The following DPH6 variants were observed in gnomAD, a reference collection of about 807,000 sequenced individuals.
The protein encoded by DPH6 is diphthamine biosynthesis 6.
Under a neutral mutation model 38.2 loss-of-function variants are expected in DPH6, and 33 were observed. The ratio of observed to expected loss-of-function variants is 0.86; its 90% CI spans 0.65 to 1.15. The LOEUF is 1.15. Ranked by LOEUF, DPH6 falls within the 50% of genes most tolerant of loss-of-function variation. The pLI is 0.00. For missense variants in DPH6, 325 were observed against 320.0 expected (o/e 1.02, Z -0.12); for synonymous variants, 108 against 103.0 (o/e 1.05, Z -0.30).
At chr15:35,164,723 T>A in the DPH6 span, among the ~76,000 whole-genome samples, 1 of 151,878 alleles carries the variant, frequency 6.6e-6, no homozygotes, top group Non-Finnish European at 1.5e-5. Flanking sequence ...TTCTATCAGT[T>A]TAACAGTGAA....
At chr15:35,275,243 C>T (rs1332596387) in intron 3 of DPH6, among the ~76,000 whole-genome samples, 1 of 152,142 alleles carries the variant, frequency 6.6e-6, no homozygotes, top group African/African-American at 2.4e-5. Context: ...TATAAAGACA[C>T]ATGCACATGT....
At chr15:35,460,417 G>A (rs941625002) in intron 3 of DPH6, among the ~76,000 whole-genome samples, 2 of 152,126 alleles carry the variant, frequency 1.3e-5, no homozygotes, top group African/African-American at 4.8e-5. Flanking sequence ...TGAGAACTTA[G>A]AGACAAAGAC....
chr15:35,314,010 T>C (rs1303953891), intron 3 of DPH6, among the ~76,000 whole-genome samples: 2 of 150,936 alleles, frequency 1.3e-5, no homozygotes, highest in African/African-American at 2.4e-5. Flanking sequence ...TGAAGAGACA[T>C]CCCACAGAAT....
intron 3 of DPH6, among the ~76,000 whole-genome samples, chr15:35,336,979 T>C (rs2052378372): frequency 6.6e-6 from 1 of 152,024 alleles, no homozygotes; most frequent in Admixed American, 6.6e-5. Context: ...TTAGGGAGGA[T>C]TCCCTCTTTT....
chr15:35,149,451 C>A, the DPH6 span, among the ~76,000 whole-genome samples: 1 of 152,124 alleles, frequency 6.6e-6, no homozygotes, highest in East Asian at 1.9e-4. Context: ...GTTGGCCAGG[C>A]TGGTCTTAAA....
intron 6 of DPH6, among the ~76,000 whole-genome samples, chr15:35,407,865 A>G (rs145377433): frequency 1.3e-5 from 2 of 151,996 alleles, no homozygotes; most frequent in African/African-American, 4.8e-5. Flanking sequence ...AGGGTCTCAC[A>G]AGTTGTGACC....
intron 3 of DPH6, among the ~76,000 whole-genome samples, chr15:35,457,062 T>C (rs2054006237): frequency 2.0e-5 from 3 of 152,038 alleles, no homozygotes; most frequent in African/African-American, 7.2e-5. Flanking sequence ...CAAGCGATTC[T>C]TCTGCCTCAG....
intron 6 of DPH6, among the ~76,000 whole-genome samples, chr15:35,408,886 A>G (rs2053328753): frequency 6.6e-6 from 1 of 151,998 alleles, no homozygotes; most frequent in Non-Finnish European, 1.5e-5. Flanking sequence ...TAACACTTCT[A>G]AATATTTTGG....
At chr15:35,269,015 T>G (rs1323799679) in intron 3 of DPH6, among the ~76,000 whole-genome samples, 1 of 152,178 alleles carries the variant, frequency 6.6e-6, no homozygotes, top group Admixed American at 6.5e-5. Context: ...AGAAAATAAT[T>G]ATATTGATTG....
chr15:35,363,313 T>C (rs1380777228), intron 3 of DPH6, among the ~76,000 whole-genome samples: 1 of 152,134 alleles, frequency 6.6e-6, no homozygotes, highest in African/African-American at 2.4e-5. Context: ...TTTAAGATGG[T>C]AATTATATAT....
At chr15:35,411,871 T>C (rs1035898946) in intron 5 of DPH6, among the ~76,000 whole-genome samples, 2 of 151,542 alleles carry the variant, frequency 1.3e-5, no homozygotes, top group African/African-American at 2.4e-5. Context: ...TTAAAACAGA[T>C]TGTAGACATA....
intron 3 of DPH6, among the ~76,000 whole-genome samples, chr15:35,273,936 C>T (rs2051840029): frequency 6.6e-6 from 1 of 152,186 alleles, no homozygotes; most frequent in African/African-American, 2.4e-5. Context: ...AAAAAAGAGT[C>T]CGTATAGCCA....
rs757887783 is a variant in DPH6 at position 35,283,756 on chromosome 15, G to GCACACACACA, written n.201-63175_201-63174insTGTGTGTGTG. Among the ~76,000 whole-genome samples, 19 of 123,652 alleles carry GCACACACACA rather than the reference G, an allele frequency of 1.5e-4. No individual in the cohort carries two copies. In the East Asian group the frequency reaches 3.9e-3, roughly 25 times the overall value. The allele number at this position is 123,652 out of a possible 152,430, so 81.1% of individuals were successfully genotyped here. A position where few individuals can be genotyped will look rare whatever the true frequency, so the allele number is the denominator to read the frequency against. The stretch of plus-strand genomic sequence containing the variant: ...TTACTTTTTTCATTGGGCACAGATA[G>GCACACACACA]TACACACACACACACACACACACAC... On this transcript the variant is annotated intron_variant and non_coding_transcript_variant, in intron 3 of 3. Transcript: ENST00000560386.
chr15:35,242,963 G>A (rs1388710768), intron 3 of DPH6, among the ~76,000 whole-genome samples: 2 of 141,846 alleles, frequency 1.4e-5, no homozygotes, highest in African/African-American at 2.6e-5. Context: ...ATATCTCCTC[G>A]TGCTATCCTC....
intron 7 of DPH6, among the ~76,000 whole-genome samples, chr15:35,378,117 T>G (rs1430734513): frequency 6.6e-6 from 1 of 152,108 alleles, no homozygotes; most frequent in Admixed American, 6.5e-5. Flanking sequence ...TACAAAGAAC[T>G]TAAACAAAAT....
chr15:35,451,821 T>C (rs1189714526), intron 4 of DPH6, among the ~76,000 whole-genome samples: 3 of 152,066 alleles, frequency 2.0e-5, no homozygotes, highest in South Asian at 4.2e-4. Flanking sequence ...CCATCCTGGC[T>C]AACACGGTGA....
intron 3 of DPH6, among the ~76,000 whole-genome samples, chr15:35,357,968 CCAA>C (rs1475404612): frequency 6.6e-6 from 1 of 152,026 alleles, no homozygotes; most frequent in Non-Finnish European, 1.5e-5. Flanking sequence ...GACTGTTCCC[CCAA>C]ATATGTTTTC....
At chr15:35,248,919 T>TA (rs2051654121) in intron 3 of DPH6, among the ~76,000 whole-genome samples, 2 of 152,206 alleles carry the variant, frequency 1.3e-5, no homozygotes, top group Admixed American at 1.3e-4. Flanking sequence ...AAGTAATAAT[T>TA]AAAGTTTCAT....
intron 3 of DPH6, among the ~76,000 whole-genome samples, chr15:35,504,484 T>G (rs2054668049): frequency 6.6e-6 from 1 of 151,730 alleles, no homozygotes; most frequent in Non-Finnish European, 1.5e-5. Context: ...TTTCACAACA[T>G]TTGTTTAAAA....
Sources: allele counts gnomAD v4.1 joint callset (sites outside exome capture counted in the v4.1 genomes callset), GRCh38; gene constraint gnomAD v4.1.1; transcripts MANE v1.5; gene names NCBI Gene and HGNC (gene_info 2026-07-23, HGNC 2026-07-21).